The following PCDHGB1 variants were observed in gnomAD, a reference collection of about 807,000 sequenced individuals.
PCDHGB1 encodes protocadherin gamma subfamily B, 1, also known as protocadherin gamma-B1.
PCDHGB1 carries 34 observed loss-of-function variants against 56.6 expected under a neutral mutation model. That is an observed-to-expected ratio of 0.60 (90% CI 0.46 to 0.80). The LOEUF (loss-of-function observed/expected upper bound fraction) is 0.80, where lower values mean the gene tolerates loss of function less well. Among genes scored for constraint, PCDHGB1 ranks in the 30% least tolerant of loss-of-function variants. PCDHGB1 has a pLI of 0.00. For missense variants in PCDHGB1, 1,278 were observed against 1,204.6 expected (o/e 1.06, Z -0.90); for synonymous variants, 561 against 505.9 (o/e 1.11, Z -1.46).
rs777670481 is a variant in PCDHGB1, at chr5:141,385,026, C to T, written c.2409+32357C>T. 2.5e-6 allele frequency: 4 copies of T among 1,614,190 alleles called. No homozygotes were observed. The East Asian group carries it at 6.7e-5, about 27-fold the overall frequency. On this transcript the variant is annotated intron_variant, in intron 1 of 3. Coordinates refer to ENST00000523390, the MANE Select transcript of PCDHGB1 (RefSeq NM_018922.3). Reference sequence around the variant, plus strand: ...CCTGCGTCTTCCTAGCCTTCGTCCTCGTACTGCTGGCGCTCAGGCTGCGGC... The same window carrying T: ...CCTGCGTCTTCCTAGCCTTCGTCCTTGTACTGCTGGCGCTCAGGCTGCGGC...
chr5:141,386,441 T>C (rs908191919), intron 1 of PCDHGB1, among the ~76,000 whole-genome samples: 3 of 152,152 alleles, frequency 2.0e-5, no homozygotes, highest in African/African-American at 7.2e-5. Context: ...CATGGGAGGC[T>C]GAGGCAAGAG....
At chr5:141,428,448 T>C in intron 1 of PCDHGB1, 12 of 375,612 alleles carry the variant, frequency 3.2e-5, no homozygotes, top group South Asian at 2.4e-4. Flanking sequence ...CAGGGGTTTT[T>C]CCCAACTACA....
chr5:141,364,114 T>C, intron 1 of PCDHGB1: 4 of 451,898 alleles, frequency 8.9e-6, no homozygotes, highest in Non-Finnish European at 1.5e-5. Flanking sequence ...TGGTTAGGAC[T>C]CTGAGTGTCG....
chr5:141,487,058 C>T lies in PCDHGB1; in HGVS notation c.2410-7749C>T, dbSNP rs775720601. 23 of 1,613,980 alleles carry T rather than the reference C, an allele frequency of 1.4e-5. No individual in the cohort carries two copies. The highest frequency in any genetic ancestry group is 1.0e-4 in the Admixed American group (6 of 59,996). ...AGTCTCTCGATATGCTGGGGAGGTGCGGACGGCTGTTCCTATCCCAGCTGA... is the reference window on the plus strand; with the variant it reads ...AGTCTCTCGATATGCTGGGGAGGTGTGGACGGCTGTTCCTATCCCAGCTGA... On this transcript the variant is annotated intron_variant, in intron 1 of 3. Transcript: ENST00000523390. The surrounding 1 kb of genome is among the most constrained non-coding windows in gnomAD (Gnocchi z 5.0).
intron 1 of PCDHGB1, chr5:141,376,561 A>C (rs780141155): frequency 4.2e-5 from 67 of 1,608,210 alleles, no homozygotes; most frequent in Non-Finnish European, 5.4e-5. Context: ...CCGCAACCCA[A>C]CTAATCAGAC....
At chr5:141,450,241 C>T (rs1236675009) in intron 1 of PCDHGB1, among the ~76,000 whole-genome samples, 1 of 152,094 alleles carries the variant, frequency 6.6e-6, no homozygotes, top group East Asian at 1.9e-4. Flanking sequence ...TAGTCTTGAA[C>T]TCCTGACCTC....
chr5:141,409,082 T>C (rs1332697516), intron 1 of PCDHGB1: 6 of 1,613,878 alleles, frequency 3.7e-6, no homozygotes, highest in African/African-American at 1.3e-5. Context: ...TATGTTCTCA[T>C]TGGATGAGAA....
At chr5:141,421,418 G>A (rs771088122) in intron 1 of PCDHGB1, 1 of 1,614,086 alleles carries the variant, frequency 6.2e-7, no homozygotes, top group Admixed American at 1.7e-5. Flanking sequence ...GCGAAGCGCG[G>A]AGTCCGCATC....
intron 1 of PCDHGB1, among the ~76,000 whole-genome samples, chr5:141,369,423 T>C (rs1766238907): frequency 6.6e-6 from 1 of 152,130 alleles, no homozygotes; most frequent in African/African-American, 2.4e-5. Context: ...TCCCAGCAAT[T>C]TGGGACGCTG....
intron 1 of PCDHGB1, chr5:141,424,031 T>G (rs2096796228): frequency 1.9e-6 from 2 of 1,036,050 alleles, no homozygotes; most frequent in African/African-American, 3.4e-5. Flanking sequence ...AAACACTTTT[T>G]ATTTCCATTT....
chr5:141,504,763 C>G (rs1057360921), intron 2 of PCDHGB1, among the ~76,000 whole-genome samples: 5 of 152,018 alleles, frequency 3.3e-5, no homozygotes, highest in African/African-American at 1.2e-4. Context: ...AATTTCTTCT[C>G]CCTGCTCCAG....
chr5:141,374,406 T>A (rs748431130), intron 1 of PCDHGB1: 2 of 1,614,018 alleles, frequency 1.2e-6, no homozygotes, highest in East Asian at 2.2e-5. Context: ...AGTTTTAACA[T>A]CCTTGTCGAG....
At chr5:141,383,042 T>A (rs1397489820) in intron 1 of PCDHGB1, 10 of 1,613,724 alleles carry the variant, frequency 6.2e-6, no homozygotes, top group Non-Finnish European at 7.6e-6. Flanking sequence ...GTGGGAGACA[T>A]CGCCAAGGAC....
At chr5:141,390,526 T>A (rs1405081511) in intron 1 of PCDHGB1, 1 of 548,156 alleles carries the variant, frequency 1.8e-6, no homozygotes, top group African/African-American at 1.9e-5. Flanking sequence ...AATGAGGGTG[T>A]GGTTTTAACC....
chr5:141,448,439 C>T (rs182359185), intron 1 of PCDHGB1, among the ~76,000 whole-genome samples: 7 of 152,232 alleles, frequency 4.6e-5, no homozygotes, highest in Admixed American at 4.6e-4. Context: ...ATTGAGAAGT[C>T]TGACTTCCAT....
At chr5:141,407,453 C>T (rs914537742) in intron 1 of PCDHGB1, among the ~76,000 whole-genome samples, 4 of 148,722 alleles carry the variant, frequency 2.7e-5, no homozygotes, top group Non-Finnish European at 6.0e-5. Flanking sequence ...ACACGAGGCT[C>T]ACCAGACAGA....
At chr5:141,364,748 G>T (rs891416528) in intron 1 of PCDHGB1, 3 of 1,613,978 alleles carry the variant, frequency 1.9e-6, no homozygotes, top group Non-Finnish European at 8.5e-7. Flanking sequence ...AGAGTTAAAA[G>T]TAAAAGTTAA....
At chr5:141,478,617 G>T in intron 1 of PCDHGB1, 1 of 1,556,398 alleles carries the variant, frequency 6.4e-7, no homozygotes, top group South Asian at 1.2e-5. Context: ...AGGAAGGAAT[G>T]GAGCTGTTTT....
chr5:141,490,232 A>G lies in PCDHGB1; in HGVS notation c.2410-4575A>G. 6.2e-7 allele frequency: 1 copy of G among 1,614,216 alleles called. No homozygotes were observed. Among genetic ancestry groups the G allele is most frequent in the Non-Finnish European group, 8.5e-7 (1 of 1,180,032 alleles). ...CGTGACCAGGGACAGCCTGCCATGG[A>G]GGGCCACTGTGTGATTCAAGTGGAT... On this transcript the variant is annotated intron_variant, in intron 1 of 3. Transcript: ENST00000523390. This position sits in a 1 kb window ranked among gnomAD's most constrained non-coding sequence, Gnocchi z 5.4.
Sources: gnomAD v4.1 joint callset for allele counts (sites outside exome capture counted in the v4.1 genomes callset) on GRCh38, gnomAD v4.1.1 for gene constraint, Gnocchi (gnomAD v3.1) non-coding constraint, MANE v1.5 for transcripts, NCBI Gene and HGNC (gene_info 2026-07-23, HGNC 2026-07-21) for gene names.